Variants in FRS2 observed in about 807,000 individuals in gnomAD.
The protein encoded by FRS2 is FGFR signalling adaptor.
A neutral mutation model predicts 43.9 loss-of-function variants in FRS2; 8 were observed. The ratio of observed to expected loss-of-function variants is 0.18; its 90% CI spans 0.11 to 0.33. FRS2 has a LOEUF of 0.33. Ranked by LOEUF, FRS2 falls within the 10% of genes least tolerant of loss-of-function variation. The pLI is 1.00. For synonymous variants in FRS2, 219 were observed against 220.3 expected, an observed-to-expected ratio of 0.99 and a Z score of 0.05; for missense variants, 534 against 627.6, an observed-to-expected ratio of 0.85 and a Z score of 1.59.
At chr12:69,496,562 A>T (rs959301698) in intron 1 of FRS2, among the ~76,000 whole-genome samples, 1 of 152,224 alleles carries the variant, frequency 6.6e-6, no homozygotes, top group African/African-American at 2.4e-5. Context: ...ACAGCAACCT[A>T]GTTTGGGTTT....
rs747182639 is a variant in FRS2 at position 69,572,122 on chromosome 12, A to G, written c.417A>G (p.Pro139=). Residue 139 remains proline, a synonymous_variant, in exon 8 of 9, where the codon CCA becomes CCG. Transcript: ENST00000549921. ...VPRTPRTPTT[P]GFAAQNLPNG... ...AACCAATAAACAAAAACTCAGCTCC[A>G]GGATTTGCTGCTCAGAACTTACCTA... The G allele has an allele frequency of 2.5e-6, 4 of 1,612,870 alleles. No homozygotes were observed. The Admixed American group carries it at 6.7e-5, about 27-fold the overall frequency.
intron 3 of FRS2, among the ~76,000 whole-genome samples, chr12:69,539,738 G>A (rs1173837860): frequency 5.3e-5 from 8 of 152,018 alleles, no homozygotes; most frequent in East Asian, 1.9e-4. Flanking sequence ...GGCAAATCAC[G>A]AGGTCAGGAG....
rs574727531 is a variant in FRS2, at chr12:69,576,511, A to G, written c.*1556A>G. ...GTTAGGTAACCTTGCAAAATATTTTACTATTTTCTCTAAATATGAGGAAGT... is the reference window on the plus strand; with the variant it reads ...GTTAGGTAACCTTGCAAAATATTTTGCTATTTTCTCTAAATATGAGGAAGT... On this transcript the variant is annotated 3_prime_UTR_variant, in exon 9 of 9. Coordinates refer to ENST00000549921, the MANE Select transcript of FRS2 (RefSeq NM_001278356.2). The G allele has an allele frequency of 6.6e-6, 1 of 152,320 alleles. No homozygotes were observed. Among genetic ancestry groups the G allele is most frequent in the Admixed American group, 6.5e-5 (1 of 15,298 alleles). The allele number at this position is 152,320 out of a possible 1,614,324, so 9.4% of individuals were successfully genotyped here.
chr12:69,527,115 A>C (rs911663615), intron 1 of FRS2, among the ~76,000 whole-genome samples: 2 of 152,132 alleles, frequency 1.3e-5, no homozygotes, highest in Non-Finnish European at 2.9e-5. Context: ...AATAACAATC[A>C]GTCATTTAAA....
At chr12:69,524,213 C>T (rs1326376861) in intron 1 of FRS2, among the ~76,000 whole-genome samples, 1 of 151,934 alleles carries the variant, frequency 6.6e-6, no homozygotes, top group African/African-American at 2.4e-5. Context: ...GCTCCTATGA[C>T]AGTGGTGGTA....
chr12:69,524,062 G>A (rs1461986364), intron 1 of FRS2, among the ~76,000 whole-genome samples: 1 of 152,364 alleles, frequency 6.6e-6, no homozygotes, highest in East Asian at 1.9e-4. Flanking sequence ...CAGCTGGGTG[G>A]CAGCATGGCT....
intron 4 of FRS2, among the ~76,000 whole-genome samples, chr12:69,564,591 G>A (rs1330397540): frequency 6.6e-6 from 1 of 152,052 alleles, no homozygotes; most frequent in Non-Finnish European, 1.5e-5. Context: ...ATTATGTCAA[G>A]TCAGTTCTTT....
At chr12:69,553,048 T>G (rs1879037752) in intron 3 of FRS2, among the ~76,000 whole-genome samples, 1 of 151,976 alleles carries the variant, frequency 6.6e-6, no homozygotes, top group Non-Finnish European at 1.5e-5. Flanking sequence ...ACAGGCCACT[T>G]AGAGCTATTT....
chr12:69,492,865 C>T (rs910495237), intron 1 of FRS2, among the ~76,000 whole-genome samples: 11 of 152,208 alleles, frequency 7.2e-5, no homozygotes, highest in African/African-American at 2.4e-4. Flanking sequence ...CATTGTCCTT[C>T]AGATGTGTCT....
At chr12:69,544,088 G>C (rs1441388340) in intron 3 of FRS2, among the ~76,000 whole-genome samples, 1 of 150,418 alleles carries the variant, frequency 6.6e-6, no homozygotes, top group Non-Finnish European at 1.5e-5. Flanking sequence ...CAGGGTCGGG[G>C]GGGTGGGGAG....
chr12:69,487,729 C>A (rs969791452), intron 1 of FRS2, among the ~76,000 whole-genome samples: 1 of 152,162 alleles, frequency 6.6e-6, no homozygotes, highest in African/African-American at 2.4e-5. Flanking sequence ...TCTGATGGAT[C>A]TGGGCAAAGT....
chr12:69,558,589 C>T (rs930818283), intron 3 of FRS2, among the ~76,000 whole-genome samples: 13 of 152,142 alleles, frequency 8.5e-5, no homozygotes, highest in African/African-American at 3.1e-4. Flanking sequence ...TCTGGATTGC[C>T]CCTGCCCTAG....
intron 3 of FRS2, among the ~76,000 whole-genome samples, chr12:69,554,077 G>A (rs1879139869): frequency 6.6e-6 from 1 of 152,112 alleles, no homozygotes; most frequent in African/African-American, 2.4e-5. Context: ...AAATGCTCCT[G>A]GCAGTTTCCC....
At chr12:69,536,105 T>C (rs1310803609) in intron 3 of FRS2, among the ~76,000 whole-genome samples, 1 of 29,852 alleles carries the variant, frequency 3.3e-5, no homozygotes, top group Non-Finnish European at 6.1e-5. Context: ...TTCATTCTTT[T>C]TTTTTTTTTT....
At chr12:69,501,172 TAA>T (rs11326072) in intron 1 of FRS2, among the ~76,000 whole-genome samples, 44 of 148,700 alleles carry the variant, frequency 3.0e-4, no homozygotes, top group African/African-American at 7.4e-4. Flanking sequence ...TTGCCATCCT[TAA>T]AAAAAAAAAA....
rs1334691833 is a variant in FRS2 at position 69,570,625 on chromosome 12, TAAAC to T, written c.253+110_253+113del. The T allele has an allele frequency of 7.4e-6, 5 of 671,334 alleles. No homozygotes were observed. The Middle Eastern group carries it at 9.4e-4, about 127-fold the overall frequency. The allele number at this position is 671,334 out of a possible 1,614,324, so 41.6% of individuals were successfully genotyped here. A position where few individuals can be genotyped will look rare whatever the true frequency, so the allele number is the denominator to read the frequency against. The stretch of plus-strand genomic sequence containing the variant: ...TTTTCTTCTGAAAAAAATCCCAAAA[TAAAC>T]AGATTGTTAAGGAAAGATATAGTAT... On this transcript the variant is annotated intron_variant, in intron 6 of 8. Transcript: ENST00000549921.
At chr12:69,559,317 T>C (rs1383395420) in intron 3 of FRS2, among the ~76,000 whole-genome samples, 1 of 152,218 alleles carries the variant, frequency 6.6e-6, no homozygotes. Flanking sequence ...TTTGATTAGA[T>C]ATAATTGCCA....
At chr12:69,525,366 CTG>C (rs536410845) in intron 1 of FRS2, among the ~76,000 whole-genome samples, 269 of 152,094 alleles carry the variant, frequency 1.8e-3, no homozygotes, top group Admixed American at 3.2e-3. Context: ...TATAGAGAGA[CTG>C]TGTGTATGAT....
At chr12:69,478,944 A>G (rs1432357632) in intron 1 of FRS2, among the ~76,000 whole-genome samples, 2 of 151,352 alleles carry the variant, frequency 1.3e-5, no homozygotes, top group Non-Finnish European at 2.9e-5. Flanking sequence ...TTTTATATGA[A>G]TGTCTTTTTT....
Sources: gnomAD v4.1 joint callset for allele counts (sites outside exome capture counted in the v4.1 genomes callset) on GRCh38, gnomAD v4.1.1 for gene constraint, MANE v1.5 for transcripts, NCBI Gene and HGNC (gene_info 2026-07-23, HGNC 2026-07-21) for gene names.